HDAC8: variants seen among roughly 807,000 people sequenced by gnomAD.
The protein encoded by HDAC8 is histone deacetylase-like 1.
In HDAC8, 1 loss-of-function variant was observed where a neutral mutation model predicts 32.2. That is an observed-to-expected ratio of 0.03 (90% confidence interval 0.01 to 0.15). The LOEUF (loss-of-function observed/expected upper bound fraction) is 0.15. HDAC8 is among the 10% of genes least tolerant of loss of function. The probability of loss-of-function intolerance (pLI) is 1.00; values close to 1 mark genes in which losing one functional copy is unlikely to be tolerated. For synonymous variants in HDAC8, 108 were observed against 113.9 expected (o/e 0.95, Z 0.33); for missense variants, 117 against 300.0 (o/e 0.39, Z 4.51).
At chrX:72,352,753 T>C (rs1555949333) in intron 9 of HDAC8, among the ~76,000 whole-genome samples, 2 of 112,038 alleles carry the variant, frequency 1.8e-5, no homozygotes, top group Non-Finnish European at 3.8e-5. Flanking sequence ...ATTTCTAGCT[T>C]GGTAGATGAC....
intron 9 of HDAC8, among the ~76,000 whole-genome samples, chrX:72,406,637 C>G (rs1555968849): frequency 8.9e-6 from 1 of 112,224 alleles, no homozygotes; most frequent in Non-Finnish European, 1.9e-5. Context: ...GCCACAAAAT[C>G]TCAGTAATAA....
chrX:72,480,227 G>A (rs1227936939), intron 7 of HDAC8, among the ~76,000 whole-genome samples: 3 of 112,631 alleles, frequency 2.7e-5, no homozygotes, highest in Admixed American at 9.4e-5. Flanking sequence ...GAATGAATTA[G>A]CAGCTTCTGT....
intron 4 of HDAC8, among the ~76,000 whole-genome samples, chrX:72,498,244 T>C (rs1338727283): frequency 9.1e-6 from 1 of 110,349 alleles, no homozygotes; most frequent in East Asian, 2.8e-4. Context: ...TTATTCAATA[T>C]ATTACTATTG....
chrX:72,539,745 A>G (rs1181220675), intron 4 of HDAC8, among the ~76,000 whole-genome samples: 1 of 111,537 alleles, frequency 9.0e-6, no homozygotes, highest in Non-Finnish European at 1.9e-5. Context: ...CGCACCCCCA[A>G]CAATAACCCA....
At chrX:72,459,144 T>A (rs151040582) in intron 9 of HDAC8, among the ~76,000 whole-genome samples, 1 of 112,027 alleles carries the variant, frequency 8.9e-6, no homozygotes, top group African/African-American at 3.2e-5. Flanking sequence ...GTCCTGGATG[T>A]GAGCACATTG....
chrX:72,442,740 C>A (rs2047199782), intron 9 of HDAC8, among the ~76,000 whole-genome samples: 1 of 111,865 alleles, frequency 8.9e-6, no homozygotes, highest in Non-Finnish European at 1.9e-5. Context: ...CACAGACTGG[C>A]AAATTGGATA....
At chrX:72,388,101 G>C (rs1306295738) in intron 9 of HDAC8, among the ~76,000 whole-genome samples, 1 of 110,229 alleles carries the variant, frequency 9.1e-6, no homozygotes, top group Non-Finnish European at 1.9e-5. Context: ...TCAGAGTTTA[G>C]GGCAGGAGTA....
intron 9 of HDAC8, among the ~76,000 whole-genome samples, chrX:72,358,562 G>A (rs2984293): frequency 0.26 from 29,231 of 110,961 alleles, 4,157 homozygotes; most frequent in African/African-American, 0.55. Context: ...ACAGTGTGAG[G>A]TTTTATCATG....
intron 9 of HDAC8, among the ~76,000 whole-genome samples, chrX:72,372,795 G>A (rs1426077931): frequency 2.0e-4 from 22 of 111,406 alleles, no homozygotes; most frequent in Admixed American, 1.9e-3. Context: ...TGGAAAATGA[G>A]GATGATAATA....
intron 2 of HDAC8, among the ~76,000 whole-genome samples, chrX:72,571,070 G>A (rs1339860250): frequency 2.7e-5 from 3 of 111,535 alleles, no homozygotes; most frequent in Non-Finnish European, 5.7e-5. Context: ...GACTACAGGC[G>A]CCTGCCACCA....
At chrX:72,509,047 GTTTA>G (rs1167259152) in intron 4 of HDAC8, among the ~76,000 whole-genome samples, 1 of 109,688 alleles carries the variant, frequency 9.1e-6, no homozygotes, top group Non-Finnish European at 1.9e-5. Flanking sequence ...TTCCTGCCCT[GTTTA>G]TTTATTTATT....
At chrX:72,525,362 G>T (rs1382546419) in intron 4 of HDAC8, among the ~76,000 whole-genome samples, 1 of 110,675 alleles carries the variant, frequency 9.0e-6, no homozygotes, top group Non-Finnish European at 1.9e-5. Context: ...CACAGCTCAC[G>T]ACTCCAGTGC....
chrX:72,496,521 AT>A (rs2049024683), intron 4 of HDAC8, among the ~76,000 whole-genome samples: 1 of 111,510 alleles, frequency 9.0e-6, no homozygotes, highest in Non-Finnish European at 1.9e-5. Flanking sequence ...TAAATGTGTG[AT>A]TTTGGAAGTT....
chrX:72,503,547 G>C (rs1360361602), intron 4 of HDAC8, among the ~76,000 whole-genome samples: 1 of 111,472 alleles, frequency 9.0e-6, no homozygotes, highest in Non-Finnish European at 1.9e-5. Context: ...CTATCTAGTA[G>C]ACCATGCTTT....
intron 7 of HDAC8, among the ~76,000 whole-genome samples, chrX:72,476,637 G>A (rs2048344427): frequency 1.8e-5 from 2 of 111,467 alleles, no homozygotes; most frequent in Admixed American, 9.5e-5. Context: ...TCACTTCCCT[G>A]AACCTCAGTT....
intron 4 of HDAC8, among the ~76,000 whole-genome samples, chrX:72,528,132 C>T (rs1337128483): frequency 9.0e-6 from 1 of 110,898 alleles, no homozygotes; most frequent in African/African-American, 3.3e-5. Flanking sequence ...CCTGTTTCTA[C>T]AGCATTTTGT....
At chrX:72,480,730 T>G (rs2048469992) in intron 7 of HDAC8, among the ~76,000 whole-genome samples, 1 of 111,622 alleles carries the variant, frequency 9.0e-6, no homozygotes, top group Non-Finnish European at 1.9e-5. Context: ...GCCATAAAAA[T>G]GAAAGAGTTC....
intron 9 of HDAC8, among the ~76,000 whole-genome samples, chrX:72,438,376 C>T (rs1237470458): frequency 2.7e-5 from 3 of 111,821 alleles, no homozygotes; most frequent in Admixed American, 1.9e-4. Context: ...GATAAATCAA[C>T]GAAGATGAGG....
At chrX:72,545,037 T>C (rs2050818624) in intron 4 of HDAC8, among the ~76,000 whole-genome samples, 1 of 111,500 alleles carries the variant, frequency 9.0e-6, no homozygotes, top group African/African-American at 3.3e-5. Flanking sequence ...ATAGTATCTT[T>C]ATTTGCCTTA....
Sources: gnomAD v4.1 joint callset for allele counts (sites outside exome capture counted in the v4.1 genomes callset) on GRCh38, gnomAD v4.1.1 for gene constraint, MANE v1.5 for transcripts, NCBI Gene and HGNC (gene_info 2026-07-23, HGNC 2026-07-21) for gene names.